The following TICAM2 variants were observed in gnomAD, a reference collection of about 807,000 sequenced individuals.
The protein encoded by TICAM2 is TIR domain containing adaptor molecule 2.
TICAM2 carries 8 observed loss-of-function variants against 7.3 expected under a neutral mutation model. That is an observed-to-expected ratio of 1.10 (90% CI 0.65 to 1.99). The LOEUF is 1.99. Ranked by LOEUF, TICAM2 falls within the 30% of genes most tolerant of loss-of-function variation. TICAM2 has a pLI of 0.00. For missense variants in TICAM2, 304 were observed against 278.8 expected (o/e 1.09, Z -0.65); for synonymous variants, 113 against 99.6 (o/e 1.13, Z -0.80).
chr5:115,601,420 C>T (rs1755731686), intron 1 of TICAM2, among the ~76,000 whole-genome samples: 1 of 152,144 alleles, frequency 6.6e-6, no homozygotes, highest in Admixed American at 6.5e-5. Context: ...ATACTAAACA[C>T]TTGGAGAAGG....
At chr5:115,589,750 G>C (rs1188448833) in intron 1 of TICAM2, among the ~76,000 whole-genome samples, 1 of 152,158 alleles carries the variant, frequency 6.6e-6, no homozygotes, top group Non-Finnish European at 1.5e-5. Context: ...TATCTGCTTA[G>C]TTTCTCATCA....
intron 1 of TICAM2, among the ~76,000 whole-genome samples, chr5:115,594,598 T>C (rs17395548): frequency 6.6e-6 from 1 of 152,176 alleles, no homozygotes; most frequent in Non-Finnish European, 1.5e-5. Context: ...GTGTTTATAC[T>C]GTTTGCCAAA....
chr5:115,587,072 A>G (rs1414587695), intron 1 of TICAM2, among the ~76,000 whole-genome samples: 2 of 152,206 alleles, frequency 1.3e-5, no homozygotes, highest in Admixed American at 1.3e-4. Context: ...TTTGCACCGG[A>G]CATTTATGGC....
At position 115,584,296 on chromosome 5, in the gene TICAM2, T is replaced by C. The variant is rs1755029097; in HGVS notation, c.-59-2981A>G. On this transcript the variant is annotated intron_variant, in intron 1 of 1. Coordinates refer to ENST00000427199, the MANE Select transcript of TICAM2 (RefSeq NM_021649.7). ...CATATAAATCCCAAACAGCAGTGGA[T>C]AAACATTAGTATACATTGCTTTTTC... 2.0e-5 allele frequency among the ~76,000 whole-genome samples: 3 copies of C among 152,336 alleles called. No individual in the cohort carries two copies. The South Asian group carries it at 6.2e-4, about 32-fold the overall frequency.
At chr5:115,583,171 A>T (rs969459268) in intron 1 of TICAM2, among the ~76,000 whole-genome samples, 1 of 152,246 alleles carries the variant, frequency 6.6e-6, no homozygotes, top group Non-Finnish European at 1.5e-5. Context: ...TTTGCTATGC[A>T]AAGTTGCAGA....
intron 1 of TICAM2, among the ~76,000 whole-genome samples, chr5:115,600,311 T>C (rs1005308367): frequency 6.6e-6 from 1 of 152,208 alleles, no homozygotes; most frequent in Non-Finnish European, 1.5e-5. Flanking sequence ...AGTAAACAGC[T>C]GGACATACAC....
intron 1 of TICAM2, among the ~76,000 whole-genome samples, chr5:115,595,378 C>T (rs1755471630): frequency 6.6e-6 from 1 of 152,162 alleles, no homozygotes; most frequent in South Asian, 2.1e-4. Flanking sequence ...ACTTTAAGTC[C>T]TGCTAATAGA....
intron 1 of TICAM2, among the ~76,000 whole-genome samples, chr5:115,594,896 T>A (rs1043490770): frequency 2.0e-5 from 3 of 152,142 alleles, no homozygotes; most frequent in Non-Finnish European, 4.4e-5. Flanking sequence ...TAGGAGATTT[T>A]TTTTTAGGAG....
In TICAM2 at chr5:115,592,049, A is replaced by G. The variant is rs184130023; in HGVS notation, c.-60+10048T>C. On this transcript the variant is annotated intron_variant, in intron 1 of 1. Transcript: ENST00000427199. ...TCTTAAAAACAGCAAGAGAAAATAG[A>G]TTACCTTAAAAGATGCAACAATAAG... Among the ~76,000 whole-genome samples the G allele has an allele frequency of 1.0e-3, 156 of 152,276 alleles. 1 individual carries two copies. Among genetic ancestry groups the G allele is most frequent in the Non-Finnish European group, 2.5e-4 (17 of 68,026 alleles).
At chr5:115,590,273 G>C (rs1755254110) in intron 1 of TICAM2, among the ~76,000 whole-genome samples, 4 of 152,086 alleles carry the variant, frequency 2.6e-5, no homozygotes, top group Admixed American at 2.0e-4. Flanking sequence ...TTGCACCACT[G>C]CACTCTAGTT....
chr5:115,601,055 G>A (rs181608286), intron 1 of TICAM2, among the ~76,000 whole-genome samples: 16 of 152,168 alleles, frequency 1.1e-4, no homozygotes, highest in African/African-American at 3.4e-4. Context: ...TTCAAATGTA[G>A]GTGTCAATAT....
At chr5:115,595,471 A>G (rs1341327730) in intron 1 of TICAM2, among the ~76,000 whole-genome samples, 2 of 152,142 alleles carry the variant, frequency 1.3e-5, no homozygotes, top group African/African-American at 4.8e-5. Context: ...CAAGACCTAT[A>G]TTATTCCTCC....
In TICAM2 at chr5:115,581,172, A is replaced by G; in HGVS notation, c.85T>C (p.Tyr29His). Residue 29 changes from tyrosine (Y) to histidine (H), a missense_variant, in exon 2 of 2, where the codon TAT becomes CAT. Physicochemically the swap from Tyr to His is moderately conservative, Grantham distance 83 (BLOSUM62 2). Transcript: ENST00000427199. ...GACTTCTTGGAATCTGACTCATGAT[A>G]TCCTGGACTTGTATCCACACTGTGC... ...KRHSVDTSPG[Y>H]HESDSKKSED... The G allele has an allele frequency of 6.2e-7, 1 of 1,613,844 alleles. No homozygotes were observed. Among genetic ancestry groups the G allele is most frequent in the Non-Finnish European group, 8.5e-7 (1 of 1,180,012 alleles).
intron 1 of TICAM2, among the ~76,000 whole-genome samples, chr5:115,596,413 C>T (rs146984330): frequency 1.7e-4 from 26 of 152,324 alleles, no homozygotes; most frequent in African/African-American, 6.0e-4. Context: ...CATAGCCTGG[C>T]TCCTTCAGCT....
rs1428708591 is a variant in TICAM2 at position 115,580,709 on chromosome 5, T to A, written c.548A>T (p.Glu183Val). 6.3e-7 allele frequency: 1 copy of A among 1,598,378 alleles called. No homozygotes were observed. Among genetic ancestry groups the A allele is most frequent in the East Asian group, 2.2e-5 (1 of 44,814 alleles). ...GGTTTGGAGGGCAAAGGGAGTCCTT[T>A]CTCGGGGAAGGGGATTGTTCAGGGG... The part of the protein sequence containing the change: ...MRPLNNPLPR[E>V]RTPFALQTIN... The change falls in exon 2 of 2, where the codon GAA becomes GTA. Residue 183 changes from glutamate to valine, a missense_variant. Transcript: ENST00000427199.
At chr5:115,589,373 A>T (rs751209091) in intron 1 of TICAM2, among the ~76,000 whole-genome samples, 4 of 152,198 alleles carry the variant, frequency 2.6e-5, no homozygotes, top group Non-Finnish European at 4.4e-5. Flanking sequence ...AGACACTGGA[A>T]ATATTAAAAA....
chr5:115,579,724 A>T lies in TICAM2; in HGVS notation c.*825T>A, dbSNP rs538863809. The T allele has an allele frequency of 6.6e-6, 1 of 152,370 alleles. No homozygotes were observed. The highest frequency in any genetic ancestry group is 2.1e-4 in the South Asian group (1 of 4,828). 9.4% of individuals were successfully genotyped at this position (152,370 alleles called of 1,614,324 possible). On this transcript the variant is annotated 3_prime_UTR_variant, in exon 2 of 2. Coordinates refer to ENST00000427199, the MANE Select transcript of TICAM2 (RefSeq NM_021649.7). Reference sequence around the variant, plus strand: ...CTTCCTGAGAAGAGAATTGTGTGTGACGGAAACTTTTAAAGCTTCCATAAG... The same window carrying T: ...CTTCCTGAGAAGAGAATTGTGTGTGTCGGAAACTTTTAAAGCTTCCATAAG...
chr5:115,590,344 A>T (rs1159841682), intron 1 of TICAM2, among the ~76,000 whole-genome samples: 2 of 152,210 alleles, frequency 1.3e-5, no homozygotes, highest in African/African-American at 4.8e-5. Flanking sequence ...TAAATATGAC[A>T]TATGCATTAT....
chr5:115,597,977 G>A (rs551965039), intron 1 of TICAM2, among the ~76,000 whole-genome samples: 35 of 152,160 alleles, frequency 2.3e-4, no homozygotes, highest in Non-Finnish European at 4.6e-4. Context: ...ATATATAAAT[G>A]TGTATATATA....
Sources: gnomAD v4.1 joint callset for allele counts (sites outside exome capture counted in the v4.1 genomes callset) on GRCh38, gnomAD v4.1.1 for gene constraint, MANE v1.5 for transcripts, NCBI Gene and HGNC (gene_info 2026-07-23, HGNC 2026-07-21) for gene names.